Variants in KIAA0753 observed in about 807,000 individuals in gnomAD.
KIAA0753 encodes KIAA0753, also known as protein moonraker.
Under a neutral mutation model 116.9 loss-of-function variants are expected in KIAA0753, and 114 were observed. That is an observed-to-expected ratio of 0.98 (90% CI 0.84 to 1.14). KIAA0753 has a LOEUF of 1.14. Ranked by LOEUF, KIAA0753 falls within the 50% of genes most tolerant of loss-of-function variation. The pLI is 0.00. For missense variants in KIAA0753, 1,156 were observed against 1,172.4 expected (o/e 0.99, Z 0.20); for synonymous variants, 405 against 413.1 (o/e 0.98, Z 0.24).
intron 18 of KIAA0753, among the ~76,000 whole-genome samples, chr17:6,580,932 C>CACCCT (rs1968131940): frequency 1.1e-5 from 1 of 91,198 alleles, no homozygotes; most frequent in African/African-American, 4.7e-5. Context: ...ACACACACAC[C>CACCCT]TTCATTTTCT....
At chr17:6,606,782 G>A in intron 12 of KIAA0753, 91 bp downstream of exon 12, 1 of 892,366 alleles carries the variant, frequency 1.1e-6, no homozygotes, top group East Asian at 2.4e-5. Flanking sequence ...AATGAAGTTA[G>A]GCCTTAACAG....
chr17:6,600,319 A>C (rs2150790144), intron 13 of KIAA0753, 61 bp downstream of exon 13: 1 of 1,292,010 alleles, frequency 7.7e-7, no homozygotes, highest in Non-Finnish European at 1.1e-6. Context: ...CCTCTGCAGC[A>C]ACTCATTTTA....
intron 3 of KIAA0753, 87 bp from the exon 4 acceptor site, chr17:6,624,948 A>G: frequency 1.2e-6 from 1 of 854,972 alleles, no homozygotes; most frequent in Non-Finnish European, 1.8e-6. Context: ...CAGAAATAAT[A>G]AAGTTGAAGA....
chr17:6,579,633 G>T lies in KIAA0753; in HGVS notation c.*114C>A. The T allele has an allele frequency of 1.4e-6, 1 of 730,266 alleles. No homozygotes were observed. The highest frequency in any genetic ancestry group is 2.4e-6 in the Non-Finnish European group (1 of 414,662). 45.2% of individuals were successfully genotyped at this position (730,266 alleles called of 1,614,324 possible). On this transcript the variant is annotated 3_prime_UTR_variant, in exon 19 of 19. Transcript: ENST00000361413. ...GGCACTGCCTTCCTTTCAGTGGGCA[G>T]CACCTTCTGGGCCTGGATGGACAGC...
In KIAA0753 at chr17:6,581,449, T is replaced by TGA. The variant is rs1315793620; in HGVS notation, c.2787-1587_2787-1586dup. On this transcript the variant is annotated intron_variant, in intron 18 of 18. Transcript: ENST00000361413. Reference sequence around the variant, plus strand: ...TTAATTTTGCATCACTGGGTTACGGTGATGTCTGCCAGGTTTCTCCCTTGT... The same window carrying TGA: ...TTAATTTTGCATCACTGGGTTACGGTGAGATGTCTGCCAGGTTTCTCCCTTGT... Among the ~76,000 whole-genome samples, 10 of 152,338 alleles carry TGA rather than the reference T, an allele frequency of 6.6e-5. No homozygotes were observed. The East Asian group carries it at 1.9e-3, about 29-fold the overall frequency.
At chr17:6,627,909 T>C (rs997596252) in intron 3 of KIAA0753, among the ~76,000 whole-genome samples, 1 of 152,190 alleles carries the variant, frequency 6.6e-6, no homozygotes, top group African/African-American at 2.4e-5. Flanking sequence ...AGTTCTTTCA[T>C]GTCCCTCCGC....
At chr17:6,597,319 C>G (rs2150778631) in intron 14 of KIAA0753, among the ~76,000 whole-genome samples, 1 of 152,164 alleles carries the variant, frequency 6.6e-6, no homozygotes, top group East Asian at 1.9e-4. Context: ...AAAAATCAAA[C>G]TGAATAACCA....
chr17:6,624,536 C>CCACACACACACACACACA (rs55849399), intron 4 of KIAA0753, among the ~76,000 whole-genome samples: 2 of 143,910 alleles, frequency 1.4e-5, no homozygotes, highest in South Asian at 2.3e-4. Context: ...GAGTTTGGCG[C>CCACACACACACACACACA]CACACACACA....
Position 6,610,036 on chromosome 17 carries a change from C to T in KIAA0753, c.1670G>A (p.Trp557Ter). The T allele has an allele frequency of 6.2e-7, 1 of 1,614,100 alleles. No individual in the cohort carries two copies. Among genetic ancestry groups the T allele is most frequent in the Non-Finnish European group, 8.5e-7 (1 of 1,180,004 alleles). ...RQPVKDRKAP[W>*]IPPNPTSPPA... is the part of the protein sequence containing the mutation. ...TGGGGATGTGGGGTTTGGGGGTATC[C>T]ATGGTGCCTTGCGGTCTTTCACAGG... Residue 557 changes from tryptophan (W) to a stop codon, truncating the protein, a stop_gained, in exon 9 of 19, where the codon TGG becomes TAG. Coordinates refer to ENST00000361413, the MANE Select transcript of KIAA0753 (RefSeq NM_014804.3). LOFTEE classifies it high-confidence loss of function.
At chr17:6,630,708 G>A (rs1971972714) in intron 2 of KIAA0753, among the ~76,000 whole-genome samples, 1 of 152,054 alleles carries the variant, frequency 6.6e-6, no homozygotes, top group African/African-American at 2.4e-5. Context: ...AGTAAACAAT[G>A]GTCTATCCAC....
At chr17:6,632,316 T>C (rs1015791161) in intron 2 of KIAA0753, among the ~76,000 whole-genome samples, 1 of 152,056 alleles carries the variant, frequency 6.6e-6, no homozygotes, top group Non-Finnish European at 1.5e-5. Flanking sequence ...CATTTGAACA[T>C]CAAAATAAAT....
chr17:6,595,581 T>G (rs958955479), intron 15 of KIAA0753, among the ~76,000 whole-genome samples: 3 of 152,222 alleles, frequency 2.0e-5, no homozygotes, highest in Non-Finnish European at 4.4e-5. Context: ...AAGAAAACGC[T>G]GAATTGAGAG....
In KIAA0753 at chr17:6,589,951, G is replaced by A. The variant is rs773340352; in HGVS notation, c.2614C>T (p.Pro872Ser). Residue 872 changes from proline (P) to serine (S), a missense_variant, in exon 18 of 19, where the codon CCT becomes TCT. By Grantham distance (74) the Pro-to-Ser change is moderately conservative (BLOSUM62 -1). Transcript: ENST00000361413. ...GAATCTTCGGCTAGGGAGAGAAGAGGGGCCTCTCTTTTCTCTGATCCTTCC... is the reference window on the plus strand; with the variant it reads ...GAATCTTCGGCTAGGGAGAGAAGAGAGGCCTCTCTTTTCTCTGATCCTTCC... ...TEEGSEKREA[P>S]LLSLAEDSQQ... 2.5e-6 allele frequency: 4 copies of A among 1,604,664 alleles called. No individual in the cohort carries two copies. The African/African-American group carries it at 5.4e-5, about 22-fold the overall frequency.
chr17:6,584,710 AAG>A (rs1280507420), intron 18 of KIAA0753, among the ~76,000 whole-genome samples: 2 of 152,184 alleles, frequency 1.3e-5, no homozygotes, highest in Admixed American at 1.3e-4. Context: ...ATTCTTCTGG[AAG>A]TTCCACGGTA....
intron 16 of KIAA0753, among the ~76,000 whole-genome samples, chr17:6,594,543 C>T (rs1393519348): frequency 1.3e-5 from 2 of 152,170 alleles, no homozygotes; most frequent in Admixed American, 6.5e-5. Flanking sequence ...TGGTTGCCTA[C>T]GTGGCGGGGC....
At chr17:6,626,047 A>T (rs1971646888) in intron 3 of KIAA0753, among the ~76,000 whole-genome samples, 1 of 152,236 alleles carries the variant, frequency 6.6e-6, no homozygotes, top group Admixed American at 6.5e-5. Context: ...ACATATTAAG[A>T]TAGCAAGTCT....
chr17:6,633,952 T>C (rs1015250448), intron 2 of KIAA0753, among the ~76,000 whole-genome samples: 16 of 152,158 alleles, frequency 1.1e-4, no homozygotes, highest in African/African-American at 3.6e-4. Flanking sequence ...TGTATCTTGA[T>C]AGAGGTATGG....
chr17:6,616,747 A>C (rs542999624), intron 7 of KIAA0753, among the ~76,000 whole-genome samples: 1 of 152,208 alleles, frequency 6.6e-6, no homozygotes, highest in Admixed American at 6.5e-5. Context: ...AATCGCTTGA[A>C]CTCAGGAGGC....
At chr17:6,618,347 G>A (rs1336535668) in intron 7 of KIAA0753, among the ~76,000 whole-genome samples, 1 of 152,158 alleles carries the variant, frequency 6.6e-6, no homozygotes, top group Non-Finnish European at 1.5e-5. Flanking sequence ...AGTTCTGTGA[G>A]CCATCCTAGC....
Sources: gnomAD v4.1 joint callset for allele counts (sites outside exome capture counted in the v4.1 genomes callset) on GRCh38, gnomAD v4.1.1 for gene constraint, MANE v1.5 for transcripts, NCBI Gene and HGNC (gene_info 2026-07-23, HGNC 2026-07-21) for gene names.